CBLN2: variants seen among roughly 807,000 people sequenced by gnomAD.
CBLN2 encodes the protein cerebellin 2 precursor.
Under a neutral mutation model 15.0 loss-of-function variants are expected in CBLN2, and 7 were observed. The ratio of observed to expected loss-of-function variants is 0.47; its 90% CI spans 0.27 to 0.88. The LOEUF (loss-of-function observed/expected upper bound fraction) is 0.88. Ranked by LOEUF, CBLN2 falls within the 40% of genes least tolerant of loss-of-function variation. The probability of loss-of-function intolerance (pLI) is 0.14; values close to 1 mark genes in which losing one functional copy is unlikely to be tolerated. For missense variants in CBLN2, 242 were observed against 304.5 expected (o/e 0.79, Z 1.53); for synonymous variants, 149 against 135.2 (o/e 1.10, Z -0.71).
rs2069065145 is a variant in CBLN2 at position 72,536,692 on chromosome 18, A to C, written c.*1484T>G. On this transcript the variant is annotated 3_prime_UTR_variant, in exon 5 of 5. Coordinates refer to ENST00000269503, the MANE Select transcript of CBLN2 (RefSeq NM_182511.4). ...AGGATGACAGCAAGCCAGACATCAA[A>C]CCCATTTATTCTGAATCTTAAATTA... 1 of 152,608 alleles carries C rather than the reference A, an allele frequency of 6.6e-6. No individual in the cohort carries two copies. Among genetic ancestry groups the C allele is most frequent in the African/African-American group, 2.4e-5 (1 of 41,438 alleles). The allele number at this position is 152,608 out of a possible 1,614,324, so 9.5% of individuals were successfully genotyped here.
intron 1 of CBLN2, among the ~76,000 whole-genome samples, chr18:72,614,326 C>T (rs1407302698): frequency 6.6e-6 from 1 of 152,120 alleles, no homozygotes; most frequent in African/African-American, 2.4e-5. Context: ...TTTGTAGTCT[C>T]TATTTATGTA....
At chr18:72,622,534 A>T (rs576659814) in intron 1 of CBLN2, among the ~76,000 whole-genome samples, 35 of 152,230 alleles carry the variant, frequency 2.3e-4, no homozygotes, top group African/African-American at 6.7e-4. Flanking sequence ...GAATTTGCTC[A>T]AATTTCTAGT....
At chr18:72,628,881 A>C (rs1460113218) in intron 1 of CBLN2, among the ~76,000 whole-genome samples, 1 of 152,128 alleles carries the variant, frequency 6.6e-6, no homozygotes, top group African/African-American at 2.4e-5. Context: ...GTTTTTACGG[A>C]TCCATCTCCA....
intron 1 of CBLN2, among the ~76,000 whole-genome samples, chr18:72,569,413 A>G (rs553541402): frequency 6.6e-6 from 1 of 152,306 alleles, no homozygotes; most frequent in South Asian, 2.1e-4. Context: ...AGATTTTTAC[A>G]TCTGCCTCTG....
chr18:72,630,279 T>C (rs1349569435), intron 1 of CBLN2, among the ~76,000 whole-genome samples: 2 of 152,168 alleles, frequency 1.3e-5, no homozygotes, highest in Non-Finnish European at 2.9e-5. Flanking sequence ...AAAGGATTCA[T>C]GCATGAAAAC....
intron 1 of CBLN2, among the ~76,000 whole-genome samples, chr18:72,551,465 C>T (rs186451233): frequency 4.0e-4 from 61 of 152,216 alleles, no homozygotes; most frequent in Non-Finnish European, 7.9e-4. Flanking sequence ...AGATCTAAAT[C>T]TTGCTTGAAA....
intron 1 of CBLN2, among the ~76,000 whole-genome samples, chr18:72,592,641 C>A (rs752616612): frequency 5.7e-4 from 86 of 152,130 alleles, no homozygotes; most frequent in African/African-American, 2.0e-3. Context: ...ATATTTAAGT[C>A]TTTAATACAT....
chr18:72,542,306 A>C lies in CBLN2; in HGVS notation c.-146T>G. 2 of 390,848 alleles carry C rather than the reference A, an allele frequency of 5.1e-6. No homozygotes were observed. The highest frequency in any genetic ancestry group is 7.1e-5 in the East Asian group (1 of 14,016). The allele number at this position is 390,848 out of a possible 1,614,324, so 24.2% of individuals were successfully genotyped here. A position where few individuals can be genotyped will look rare whatever the true frequency, so the allele number is the denominator to read the frequency against. On this transcript the variant is annotated 5_prime_UTR_variant, in exon 3 of 5. It removes the in-frame stop codon of an upstream open reading frame in the 5' UTR. Transcript: ENST00000269503. Reference sequence around the variant, plus strand: ...GACGTTCAAGGCCAGGGTCGTTCTCAGAAGAAAGGCGCCTGTGAACCTGTC... The same window carrying C: ...GACGTTCAAGGCCAGGGTCGTTCTCCGAAGAAAGGCGCCTGTGAACCTGTC...
intron 1 of CBLN2, among the ~76,000 whole-genome samples, chr18:72,589,919 G>A (rs886495308): frequency 6.6e-6 from 1 of 152,080 alleles, no homozygotes; most frequent in African/African-American, 2.4e-5. Flanking sequence ...GATCACTTGA[G>A]GTCAGGAGTT....
At chr18:72,637,725 T>C (rs2069823328) in intron 1 of CBLN2, among the ~76,000 whole-genome samples, 1 of 144,776 alleles carries the variant, frequency 6.9e-6, no homozygotes. Flanking sequence ...TACCCAGAGA[T>C]TGACAGGGGA....
chr18:72,602,659 C>T (rs1568128934), intron 1 of CBLN2, among the ~76,000 whole-genome samples: 1 of 152,138 alleles, frequency 6.6e-6, no homozygotes, highest in Non-Finnish European at 1.5e-5. Context: ...TGAGATTTTC[C>T]TAGATAATCT....
rs376256056 is a variant in CBLN2, at chr18:72,623,751, C to A, written c.15+14574G>T. ...GGACTTGGATTGTGAACAACATTAC[C>A]AAGGGCATCAGCATCCCAGCCTGAG... On this transcript the variant is annotated intron_variant, in intron 1 of 2. Transcript: ENST00000581073. Among the ~76,000 whole-genome samples the A allele has an allele frequency of 7.0e-4, 106 of 152,212 alleles. 1 individual carries two copies. Among genetic ancestry groups the A allele is most frequent in the African/African-American group, 2.5e-3 (102 of 41,532 alleles).
chr18:72,539,339 G>A (rs2069091937), intron 3 of CBLN2: 1 of 152,842 alleles, frequency 6.5e-6, no homozygotes, highest in Non-Finnish European at 1.5e-5. Context: ...GTGAGGTTTG[G>A]ATCTCCAGTG....
At chr18:72,625,163 T>A (rs922861264) in intron 1 of CBLN2, 1 of 152,110 alleles carries the variant, frequency 6.6e-6, no homozygotes, top group Non-Finnish European at 1.5e-5. Flanking sequence ...TACCTCAAAA[T>A]CTTCTGGAAA....
intron 1 of CBLN2, among the ~76,000 whole-genome samples, chr18:72,600,128 T>C (rs536700297): frequency 1.3e-5 from 2 of 152,370 alleles, no homozygotes; most frequent in South Asian, 4.1e-4. Flanking sequence ...TGGAATATGT[T>C]GGGTAAACAA....
At chr18:72,555,136 A>T (rs1345731692) in intron 1 of CBLN2, among the ~76,000 whole-genome samples, 2 of 148,912 alleles carry the variant, frequency 1.3e-5, no homozygotes, top group Non-Finnish European at 2.9e-5. Flanking sequence ...TTCTGTCTTT[A>T]AAAAAAGAAA....
chr18:72,566,527 C>T (rs980059786), intron 1 of CBLN2, among the ~76,000 whole-genome samples: 6 of 152,094 alleles, frequency 3.9e-5, no homozygotes, highest in Non-Finnish European at 7.4e-5. Context: ...GCCTAGAAGA[C>T]ATTATGTTAA....
intron 1 of CBLN2, among the ~76,000 whole-genome samples, chr18:72,551,937 C>T (rs1176185543): frequency 6.6e-6 from 1 of 152,026 alleles, no homozygotes; most frequent in Non-Finnish European, 1.5e-5. Context: ...TTGTGTTGAC[C>T]TTTCATATCA....
chr18:72,613,623 C>T (rs1021075204), intron 1 of CBLN2, among the ~76,000 whole-genome samples: 4 of 152,086 alleles, frequency 2.6e-5, no homozygotes, highest in African/African-American at 9.7e-5. Flanking sequence ...AGGAGGCAGG[C>T]TGTGAGTGAG....
Sources: allele counts gnomAD v4.1 joint callset (sites outside exome capture counted in the v4.1 genomes callset), GRCh38; gene constraint gnomAD v4.1.1; transcripts MANE v1.5; gene names NCBI Gene and HGNC (gene_info 2026-07-23, HGNC 2026-07-21).